Variants in MAPKBP1 observed in about 807,000 individuals in gnomAD.
The protein encoded by MAPKBP1 is mitogen-activated protein kinase binding protein 1.
Under a neutral mutation model 170.5 loss-of-function variants are expected in MAPKBP1, and 71 were observed. The ratio of observed to expected loss-of-function variants is 0.42; its 90% CI spans 0.34 to 0.51. The LOEUF is 0.51. Ranked by LOEUF, MAPKBP1 falls within the 20% of genes least tolerant of loss-of-function variation. The pLI is 0.06. For missense variants in MAPKBP1, 1,598 were observed against 1,933.0 expected, an observed-to-expected ratio of 0.83 and a Z score of 3.25; for synonymous variants, 719 against 757.9, an observed-to-expected ratio of 0.95 and a Z score of 0.84.
Position 41,817,548 on chromosome 15 carries a change from A to C in MAPKBP1, c.1783-66A>C. 1 of 1,613,500 alleles carries C rather than the reference A, an allele frequency of 6.2e-7. No homozygotes were observed. The highest frequency in any genetic ancestry group is 8.5e-7 in the Non-Finnish European group (1 of 1,179,534). The stretch of plus-strand genomic sequence containing the variant: ...GTTACAAGAGGTGAAGGGAGGCGCA[A>C]GTAGGGCTCTTGGGGCCTGGTGAGG... On this transcript the variant is annotated intron_variant, in intron 15 of 30. Coordinates refer to ENST00000457542, the MANE Select transcript of MAPKBP1 (RefSeq NM_014994.3). This position sits in a 1 kb window ranked among gnomAD's most constrained non-coding sequence, Gnocchi z 4.2.
chr15:41,824,123 C>T (rs1244535891), intron 29 of MAPKBP1, 62 bp downstream of exon 29: 40 of 1,528,200 alleles, frequency 2.6e-5, no homozygotes, highest in East Asian at 2.3e-5. Context: ...CTCTGTTGGC[C>T]GCTGTCTGGC....
chr15:41,783,045 A>G (rs1176992937), intron 2 of MAPKBP1, among the ~76,000 whole-genome samples: 1 of 152,180 alleles, frequency 6.6e-6, no homozygotes, highest in Non-Finnish European at 1.5e-5. Flanking sequence ...GGCAGGGTGC[A>G]GCTGTGTGGT....
intron 2 of MAPKBP1, among the ~76,000 whole-genome samples, chr15:41,782,194 G>A (rs745590945): frequency 2.7e-5 from 4 of 149,912 alleles, no homozygotes; most frequent in Non-Finnish European, 5.9e-5. Flanking sequence ...CTCGGGATGC[G>A]GAGCTTGCAG....
intron 2 of MAPKBP1, among the ~76,000 whole-genome samples, chr15:41,796,782 G>A (rs569207554): frequency 3.3e-5 from 5 of 152,154 alleles, no homozygotes; most frequent in Admixed American, 2.0e-4. Context: ...CAAAGGTGCC[G>A]GTGATCAGAG....
At chr15:41,797,374 C>G (rs1022624322) in intron 2 of MAPKBP1, among the ~76,000 whole-genome samples, 2 of 152,134 alleles carry the variant, frequency 1.3e-5, no homozygotes, top group Admixed American at 1.3e-4. Context: ...GTGGCCTCTC[C>G]CAGCTGTGTG....
At chr15:41,786,647 C>T (rs1481804833) in intron 2 of MAPKBP1, among the ~76,000 whole-genome samples, 1 of 149,678 alleles carries the variant, frequency 6.7e-6, no homozygotes, top group South Asian at 2.1e-4. Context: ...TGCCCGTAGT[C>T]CCAGCTACTC....
At chr15:41,808,979 T>C (rs1274006245) in intron 3 of MAPKBP1, among the ~76,000 whole-genome samples, 3 of 151,488 alleles carry the variant, frequency 2.0e-5, no homozygotes, top group Non-Finnish European at 4.4e-5. Flanking sequence ...GGTGGGAGGA[T>C]TGCTTGAGCC....
Position 41,815,741 on chromosome 15 carries a change from G to T in MAPKBP1, c.1435G>T (p.Val479Leu), listed in dbSNP as rs1232550547. ...GGATCCCCGCGTGGGCATCCGCTCG[G>T]TGTGTGTCAGCCCCAATGGACAGCA... Reference protein sequence around the residue: ...LLDPRVGIRSVCVSPNGQHLA... With the variant: ...LLDPRVGIRSLCVSPNGQHLA... Residue 479 changes from valine to leucine, a missense_variant, in exon 12 of 31, where the codon GTG (valine) becomes TTG (leucine). Coordinates refer to ENST00000457542, the MANE Select transcript of MAPKBP1 (RefSeq NM_014994.3). 1.2e-6 allele frequency: 2 copies of T among 1,614,094 alleles called. No homozygotes were observed. Among genetic ancestry groups the T allele is most frequent in the African/African-American group, 2.7e-5 (2 of 74,924 alleles).
chr15:41,822,609 C>G lies in MAPKBP1; in HGVS notation c.3246C>G (p.Val1082=). The G allele has an allele frequency of 6.2e-7, 1 of 1,614,016 alleles. No homozygotes were observed. Among genetic ancestry groups the G allele is most frequent in the East Asian group, 2.2e-5 (1 of 44,870 alleles). Residue 1082 remains valine (V), a synonymous_variant, in exon 27 of 31, where the codon GTC becomes GTG. Transcript: ENST00000457542. ...SGAAPGAPVQ[V]PERSESRSIS... is the part of the protein sequence containing the mutation. ...CCTTGGTAGGGGCCCCAGTGCAGGT[C>G]CCAGAGAGGTCAGAGTCTCGGAGTA...
intron 2 of MAPKBP1, among the ~76,000 whole-genome samples, chr15:41,778,616 A>C (rs1437601527): frequency 6.6e-6 from 1 of 152,252 alleles, no homozygotes; most frequent in Non-Finnish European, 1.5e-5. Context: ...GTGTGACTTG[A>C]AGTTATCAGT....
At chr15:41,795,841 C>T (rs901716928) in intron 2 of MAPKBP1, among the ~76,000 whole-genome samples, 3 of 152,186 alleles carry the variant, frequency 2.0e-5, no homozygotes, top group Non-Finnish European at 2.9e-5. Context: ...GATCTCCTGA[C>T]CTCGTGATCC....
At chr15:41,782,353 G>A (rs1198844301) in intron 2 of MAPKBP1, among the ~76,000 whole-genome samples, 3 of 151,770 alleles carry the variant, frequency 2.0e-5, no homozygotes, top group Admixed American at 6.6e-5. Context: ...TGATTTCCCC[G>A]TGTAACCACT....
At chr15:41,808,038 CA>C (rs557542190) in intron 3 of MAPKBP1, among the ~76,000 whole-genome samples, 21 of 121,440 alleles carry the variant, frequency 1.7e-4, no homozygotes, top group Admixed American at 3.5e-4. Flanking sequence ...GACTCCATCT[CA>C]AAAAAAAAAG....
Position 41,821,625 on chromosome 15 carries a change from C to T in MAPKBP1, c.2760C>T (p.Ser920=), listed in dbSNP as rs761098056. Residue 920 remains serine, a synonymous_variant, in exon 24 of 31, where the codon TCC becomes TCT. Transcript: ENST00000457542. The part of the protein sequence containing the change: ...PPRPQASQPC[S]YPHIIRLLSQ... Reference sequence around the variant, plus strand: ...GGCCTCAGGCTTCCCAACCTTGTTCCTATCCCCATATTATCCGATTATTGT... The same window carrying T: ...GGCCTCAGGCTTCCCAACCTTGTTCTTATCCCCATATTATCCGATTATTGT... The T allele has an allele frequency of 1.9e-6, 3 of 1,614,084 alleles. No individual in the cohort carries two copies. Among genetic ancestry groups the T allele is most frequent in the Admixed American group, 1.7e-5 (1 of 60,014 alleles).
rs369503982 is a variant in MAPKBP1, at chr15:41,818,137, G to C, written c.1980+53G>C. 1.2e-6 allele frequency: 2 copies of C among 1,609,812 alleles called. No homozygotes were observed. The highest frequency in any genetic ancestry group is 2.7e-5 in the African/African-American group (2 of 74,798). On this transcript the variant is annotated intron_variant, in intron 17 of 30. Transcript: ENST00000457542. This position sits in a 1 kb window ranked among gnomAD's most constrained non-coding sequence, Gnocchi z 5.2. ...GGGGCTCGGGGACAGAGTGGTGCTG[G>C]GTGGGAGGGACTGGTACTTCCCATG...
intron 2 of MAPKBP1, among the ~76,000 whole-genome samples, chr15:41,786,797 T>A (rs1189522372): frequency 7.9e-6 from 1 of 126,294 alleles, no homozygotes; most frequent in Non-Finnish European, 1.6e-5. Context: ...TATATATATA[T>A]ATATATAGGT....
At chr15:41,808,516 C>T (rs931785942) in intron 3 of MAPKBP1, among the ~76,000 whole-genome samples, 1 of 151,350 alleles carries the variant, frequency 6.6e-6, no homozygotes, top group African/African-American at 2.4e-5. Flanking sequence ...GTTCTTGTCG[C>T]CCAGGCTGGA....
chr15:41,793,860 A>T (rs1442430329), intron 2 of MAPKBP1, among the ~76,000 whole-genome samples: 1 of 152,196 alleles, frequency 6.6e-6, no homozygotes, highest in Non-Finnish European at 1.5e-5. Context: ...GGTACTCACG[A>T]TGGTGGTTCT....
In MAPKBP1 at chr15:41,811,189, C is replaced by G. The variant is rs2152078122; in HGVS notation, c.281C>G (p.Thr94Ser). ...HILNSSRKTITALAFSPDGKY... is the reference protein window; with the variant it reads ...HILNSSRKTISALAFSPDGKY... ...CCCATCTCTTGCAGGAAAACCATCA[C>G]TGCCCTTGCCTTCTCCCCTGATGGC... Residue 94 changes from threonine (T) to serine (S), a missense_variant, in exon 5 of 31, where the codon ACT becomes AGT. Physicochemically the swap from Thr to Ser is moderately conservative, Grantham distance 58. Transcript: ENST00000457542. 1 of 1,614,252 alleles carries G rather than the reference C, an allele frequency of 6.2e-7. No homozygotes were observed. Among genetic ancestry groups the G allele is most frequent in the South Asian group, 1.1e-5 (1 of 91,088 alleles).
Sources: gnomAD v4.1 joint callset for allele counts (sites outside exome capture counted in the v4.1 genomes callset) on GRCh38, gnomAD v4.1.1 for gene constraint, Gnocchi (gnomAD v3.1) non-coding constraint, MANE v1.5 for transcripts, NCBI Gene and HGNC (gene_info 2026-07-23, HGNC 2026-07-21) for gene names.